The following BORCS7 variants were observed in gnomAD, a reference collection of about 807,000 sequenced individuals.
BORCS7 encodes the protein BLOC-1-related complex subunit 7.
A neutral mutation model predicts 17.5 loss-of-function variants in BORCS7; 20 were observed. That is an observed-to-expected ratio of 1.14 (90% confidence interval 0.80 to 1.66). The LOEUF (loss-of-function observed/expected upper bound fraction) is 1.66, where lower values mean the gene tolerates loss of function less well. BORCS7 is among the 40% of genes most tolerant of loss of function. The probability of loss-of-function intolerance (pLI) is 0.00; values close to 1 mark genes in which losing one functional copy is unlikely to be tolerated. For synonymous variants in BORCS7, 57 were observed against 49.8 expected (o/e 1.14, Z -0.61); for missense variants, 122 against 129.7 (o/e 0.94, Z 0.29).
At chr10:102,859,655 T>A (rs1362067336) in intron 1 of BORCS7, among the ~76,000 whole-genome samples, 1 of 151,052 alleles carries the variant, frequency 6.6e-6, no homozygotes, top group African/African-American at 2.4e-5. Flanking sequence ...AACTTTCGCC[T>A]CCTGGGTTCA....
At chr10:102,858,190 TAGAGAGAGAGAGCGAGCGAGAG>T (rs1194370031) in intron 1 of BORCS7, among the ~76,000 whole-genome samples, 3 of 135,056 alleles carry the variant, frequency 2.2e-5, no homozygotes, top group Non-Finnish European at 4.7e-5. Context: ...TATATATATA[TAGAGAGAGAGAGCGAGCGAGAG>T]AGAGAGAGAG....
intron 1 of BORCS7, among the ~76,000 whole-genome samples, chr10:102,859,609 AGGCT>A (rs1844485612): frequency 7.2e-6 from 1 of 139,784 alleles, no homozygotes; most frequent in Admixed American, 7.7e-5. Flanking sequence ...TTTGTCGCCC[AGGCT>A]GGAGTACAGT....
chr10:102,864,908 T>C lies in BORCS7; in HGVS notation c.*1984T>C, dbSNP rs2134103411. The C allele has an allele frequency of 6.6e-6, 1 of 152,270 alleles. No individual in the cohort carries two copies. The highest frequency in any genetic ancestry group is 6.5e-5 in the Admixed American group (1 of 15,292). The allele number at this position is 152,270 out of a possible 1,614,324, so 9.4% of individuals were successfully genotyped here. On this transcript the variant is annotated 3_prime_UTR_variant, in exon 5 of 5. Coordinates refer to ENST00000339834, the MANE Select transcript of BORCS7 (RefSeq NM_001136200.2). ...TGTTCAAATGCCATAAAAGAAAATT[T>C]GTGTGATAATACCAAAGCAGTACTA...
chr10:102,862,248 G>A, intron 4 of BORCS7, 68 bp downstream of exon 4: 8 of 1,469,038 alleles, frequency 5.4e-6, no homozygotes, highest in Non-Finnish European at 7.6e-6. Context: ...TATACTGCTG[G>A]GTCCAGAATC....
At chr10:102,855,622 T>C (rs1298436106) in intron 1 of BORCS7, among the ~76,000 whole-genome samples, 2 of 152,202 alleles carry the variant, frequency 1.3e-5, no homozygotes, top group Non-Finnish European at 2.9e-5. Flanking sequence ...TAAATCCCTC[T>C]ACTTGGGAAG....
chr10:102,855,783 G>A (rs1412673814), intron 1 of BORCS7, among the ~76,000 whole-genome samples: 1 of 152,162 alleles, frequency 6.6e-6, no homozygotes, highest in Non-Finnish European at 1.5e-5. Context: ...CAGAGGAGGA[G>A]TCCCACTAGC....
At chr10:102,861,246 C>T (rs962135807) in intron 3 of BORCS7, among the ~76,000 whole-genome samples, 15 of 151,854 alleles carry the variant, frequency 9.9e-5, no homozygotes, top group Non-Finnish European at 2.2e-4. Flanking sequence ...GAAACCCCGT[C>T]TCTACTAAAG....
chr10:102,862,782 T>A (rs1202048988), intron 4 of BORCS7, 91 bp from the exon 5 acceptor site: 3 of 1,160,026 alleles, frequency 2.6e-6, no homozygotes, highest in Non-Finnish European at 3.8e-6. Context: ...ACCCTGTCTG[T>A]AATGGAAAAA....
At chr10:102,859,104 C>A (rs1844473719) in intron 1 of BORCS7, among the ~76,000 whole-genome samples, 3 of 151,624 alleles carry the variant, frequency 2.0e-5, no homozygotes, top group Admixed American at 6.6e-5. Flanking sequence ...AACTCAGTAA[C>A]CTCATTAAAT....
At chr10:102,860,303 A>G in intron 1 of BORCS7, 29 bp from the exon 2 acceptor site, 1 of 1,606,204 alleles carries the variant, frequency 6.2e-7, no homozygotes, top group Non-Finnish European at 8.5e-7. Flanking sequence ...GGGAATTTTG[A>G]TTATTACCAT....
At chr10:102,855,245 G>A (rs1590210626) in intron 1 of BORCS7, among the ~76,000 whole-genome samples, 1 of 144,932 alleles carries the variant, frequency 6.9e-6, no homozygotes, top group South Asian at 2.2e-4. Context: ...TGCAACTTCC[G>A]CCTCCTGGGT....
chr10:102,857,727 T>G (rs1844451127), intron 1 of BORCS7, among the ~76,000 whole-genome samples: 1 of 152,220 alleles, frequency 6.6e-6, no homozygotes, highest in African/African-American at 2.4e-5. Flanking sequence ...GAGAACTGAC[T>G]GAATAATGTT....
At chr10:102,858,519 A>G (rs1002221535) in intron 1 of BORCS7, among the ~76,000 whole-genome samples, 1 of 152,010 alleles carries the variant, frequency 6.6e-6, no homozygotes, top group African/African-American at 2.4e-5. Context: ...GCGTGGTGGC[A>G]TGTACCTATA....
In BORCS7 at chr10:102,860,520, TAAC is replaced by T; in HGVS notation, c.232_234del (p.Thr78del). The T allele has an allele frequency of 6.2e-7, 1 of 1,613,144 alleles. No homozygotes were observed. Among genetic ancestry groups the T allele is most frequent in the Non-Finnish European group, 8.5e-7 (1 of 1,179,134 alleles). On this transcript the variant is annotated inframe_deletion, in exon 3 of 5. Coordinates refer to ENST00000339834, the MANE Select transcript of BORCS7 (RefSeq NM_001136200.2). ...CAGAGTTTAAGGAAGATGGCAATAA[TAAC>T]AACACATCTTCAATACCAGTGAGTA...
intron 4 of BORCS7, 37 bp from the exon 5 acceptor site, chr10:102,862,836 C>T (rs759704127): frequency 5.8e-6 from 9 of 1,560,302 alleles, no homozygotes; most frequent in East Asian, 2.2e-5. Flanking sequence ...TATTATTGCT[C>T]ATTTCAGATA....
intron 3 of BORCS7, among the ~76,000 whole-genome samples, chr10:102,861,900 A>C (rs1564787367): frequency 6.6e-6 from 1 of 152,174 alleles, no homozygotes; most frequent in Non-Finnish European, 1.5e-5. Context: ...GACTAATTTT[A>C]AGCCATGCAT....
chr10:102,858,186 T>TAG (rs1564786352), intron 1 of BORCS7, among the ~76,000 whole-genome samples: 12 of 91,590 alleles, frequency 1.3e-4, no homozygotes, highest in African/African-American at 4.4e-4. Flanking sequence ...AATATATATA[T>TAG]ATATAGAGAG....
intron 1 of BORCS7, among the ~76,000 whole-genome samples, chr10:102,855,834 T>TCACATCGGGC (rs1844418163): frequency 1.3e-5 from 2 of 152,198 alleles, no homozygotes; most frequent in South Asian, 4.1e-4. Flanking sequence ...GATCTCGGGC[T>TCACATCGGGC]CACTGCAACC....
intron 1 of BORCS7, among the ~76,000 whole-genome samples, chr10:102,856,768 A>G (rs1430567719): frequency 2.6e-5 from 4 of 152,218 alleles, no homozygotes; most frequent in Admixed American, 2.0e-4. Flanking sequence ...TATGTAGGAA[A>G]GTGATGCAGA....
Sources: allele counts gnomAD v4.1 joint callset (sites outside exome capture counted in the v4.1 genomes callset), GRCh38; gene constraint gnomAD v4.1.1; transcripts MANE v1.5; gene names NCBI Gene and HGNC (gene_info 2026-07-23, HGNC 2026-07-21).